The following PI4K2A variants were observed in gnomAD, a reference collection of about 807,000 sequenced individuals.
PI4K2A encodes the protein phosphatidylinositol 4-kinase type 2 alpha, also known as phosphatidylinositol 4-kinase type 2-alpha.
A neutral mutation model predicts 55.0 loss-of-function variants in PI4K2A; 20 were observed. The observed-to-expected ratio is 0.36, with a 90% CI of 0.26 to 0.53. The LOEUF is 0.53. PI4K2A is among the 20% of genes least tolerant of loss of function. PI4K2A has a pLI of 0.91. For synonymous variants in PI4K2A, 235 were observed against 258.5 expected, an observed-to-expected ratio of 0.91 and a Z score of 0.87; for missense variants, 463 against 637.1, an observed-to-expected ratio of 0.73 and a Z score of 2.94.
chr10:97,665,801 C>G (rs1322878718), intron 6 of PI4K2A, among the ~76,000 whole-genome samples: 1 of 151,300 alleles, frequency 6.6e-6, no homozygotes, highest in Non-Finnish European at 1.5e-5. Context: ...GTGTGTTAGC[C>G]AAGATGATCT....
At chr10:97,641,256 A>G in intron 1 of PI4K2A, 79 bp downstream of exon 1, 8 of 1,059,070 alleles carry the variant, frequency 7.6e-6, no homozygotes, top group Non-Finnish European at 1.1e-5. Context: ...TCGCACAGCC[A>G]GAGGGAAAAG....
intron 1 of PI4K2A, among the ~76,000 whole-genome samples, chr10:97,646,967 A>T (rs1283990834): frequency 6.6e-6 from 1 of 150,760 alleles, no homozygotes; most frequent in Non-Finnish European, 1.5e-5. Flanking sequence ...TTTTTTGTAG[A>T]GATGGGGTTT....
chr10:97,675,901 C>T (rs777296879), exon 9 of PI4K2A: 9 of 152,680 alleles, frequency 5.9e-5, no homozygotes, highest in Admixed American at 1.3e-4. Context: ...CGTCCCTCTG[C>T]CAGCCATAGG....
At chr10:97,644,623 C>T (rs993149473) in intron 1 of PI4K2A, among the ~76,000 whole-genome samples, 3 of 152,106 alleles carry the variant, frequency 2.0e-5, no homozygotes, top group South Asian at 2.1e-4. Context: ...CCAAGATGGC[C>T]GCTCAAGCTG....
intron 5 of PI4K2A, among the ~76,000 whole-genome samples, 153 bp downstream of exon 5, chr10:97,663,121 C>T (rs530972971): frequency 5.9e-5 from 9 of 152,262 alleles, no homozygotes; most frequent in African/African-American, 2.2e-4. Flanking sequence ...TAAAGTTTTT[C>T]TCAATATGTG....
chr10:97,649,873 C>T (rs1202923889), intron 1 of PI4K2A, among the ~76,000 whole-genome samples: 1 of 152,058 alleles, frequency 6.6e-6, no homozygotes, highest in Non-Finnish European at 1.5e-5. Context: ...ATCTGCCCAC[C>T]TTGGCCTCCC....
rs147276519 is a variant in PI4K2A, at chr10:97,645,109, G to A, written c.435+3932G>A. On this transcript the variant is annotated intron_variant, in intron 1 of 8. Coordinates refer to ENST00000370631, the Ensembl canonical transcript of PI4K2A. ...GTTTTTTGAGCTTTTTCTCTTTTGCGTGGAGTAATACTAGATTTTCACATT... is the reference window on the plus strand; with the variant it reads ...GTTTTTTGAGCTTTTTCTCTTTTGCATGGAGTAATACTAGATTTTCACATT... Among the ~76,000 whole-genome samples the A allele has an allele frequency of 4.7e-4, 71 of 152,110 alleles. 1 individual carries two copies. Among genetic ancestry groups the A allele is most frequent in the African/African-American group, 1.5e-3 (63 of 41,496 alleles).
chr10:97,642,796 GCTTT>G (rs141411144), intron 1 of PI4K2A, among the ~76,000 whole-genome samples: 6,098 of 117,108 alleles, frequency 0.052, 534 homozygotes, highest in Non-Finnish European at 0.07. Context: ...AGGCTTGCTT[GCTTT>G]CTCTTTCTTC....
At chr10:97,663,826 T>TA (rs35736231) in intron 5 of PI4K2A, among the ~76,000 whole-genome samples, 3,739 of 118,250 alleles carry the variant, frequency 0.032, 179 homozygotes, top group African/African-American at 0.1. Context: ...TCTCAAAAAT[T>TA]AAAAAAAAAA....
At chr10:97,663,882 A>G (rs968439993) in intron 5 of PI4K2A, among the ~76,000 whole-genome samples, 1 of 150,850 alleles carries the variant, frequency 6.6e-6, no homozygotes, top group Non-Finnish European at 1.5e-5. Flanking sequence ...AGGCTGGAGT[A>G]CAGTGGTGCT....
intron 1 of PI4K2A, among the ~76,000 whole-genome samples, chr10:97,650,278 CTT>C (rs71007356): frequency 1.0e-4 from 11 of 108,074 alleles, no homozygotes; most frequent in Admixed American, 1.0e-4. Flanking sequence ...GCTTCTGTAC[CTT>C]TTTTTTTTTT....
chr10:97,661,851 ATTTT>A (rs11293508), intron 4 of PI4K2A, among the ~76,000 whole-genome samples: 3 of 126,010 alleles, frequency 2.4e-5, no homozygotes, highest in Admixed American at 8.0e-5. Context: ...TTCAGGTTTG[ATTTT>A]TTTTTTTTTT....
chr10:97,671,693 G>T (rs1359145864), intron 8 of PI4K2A, among the ~76,000 whole-genome samples: 1 of 152,194 alleles, frequency 6.6e-6, no homozygotes. Flanking sequence ...AGACTGGAGT[G>T]CAATGGCACA....
intron 8 of PI4K2A, among the ~76,000 whole-genome samples, chr10:97,671,235 A>G (rs2041633765): frequency 6.6e-6 from 1 of 152,162 alleles, no homozygotes; most frequent in Non-Finnish European, 1.5e-5. Context: ...AATTTTGACA[A>G]AGAGGAGAAA....
chr10:97,642,863 CTTT>C lies in PI4K2A; in HGVS notation c.435+1689_435+1691del, dbSNP rs10688390. 1.4e-3 allele frequency among the ~76,000 whole-genome samples: 109 copies of C among 76,994 alleles called. 7 individuals are homozygous for C. The highest frequency in any genetic ancestry group is 4.4e-3 in the African/African-American group (59 of 13,520). 50.5% of individuals were successfully genotyped at this position (76,994 alleles called of 152,430 possible). On this transcript the variant is annotated intron_variant, in intron 1 of 8. Transcript: ENST00000370631. Reference sequence around the variant, plus strand: ...CCTTCCTTCCTTCCTTTCTTTCTTTCTTTTTCTTTCTTTCTTTCTTTCTTCCTT... The same window carrying C: ...CCTTCCTTCCTTCCTTTCTTTCTTTCTTCTTTCTTTCTTTCTTTCTTCCTT...
At chr10:97,661,871 G>A (rs1211691527) in intron 4 of PI4K2A, among the ~76,000 whole-genome samples, 1 of 81,886 alleles carries the variant, frequency 1.2e-5, no homozygotes, top group Non-Finnish European at 2.4e-5. Context: ...TTTTTTTTTT[G>A]AGGCAGGGTC....
intron 1 of PI4K2A, among the ~76,000 whole-genome samples, chr10:97,649,441 A>G (rs2041519969): frequency 6.6e-6 from 1 of 152,106 alleles, no homozygotes; most frequent in South Asian, 2.1e-4. Context: ...TCTGTGTGGC[A>G]TCTCATGTCC....
exon 9 of PI4K2A, chr10:97,676,120 A>G (rs1321539930): frequency 6.6e-6 from 1 of 152,314 alleles, no homozygotes; most frequent in Non-Finnish European, 1.5e-5. Context: ...GAGGGCAAAG[A>G]AACCTGTGTT....
chr10:97,641,232 G>T, intron 1 of PI4K2A, 55 bp downstream of exon 1: 7 of 1,333,298 alleles, frequency 5.3e-6, no homozygotes, highest in Non-Finnish European at 5.2e-6. Flanking sequence ...GGCGCTCCTG[G>T]GGAGTTGGGG....
Sources: gnomAD v4.1 joint callset for allele counts (sites outside exome capture counted in the v4.1 genomes callset) on GRCh38, gnomAD v4.1.1 for gene constraint, MANE v1.5 for transcripts, NCBI Gene and HGNC (gene_info 2026-07-23, HGNC 2026-07-21) for gene names.